AKAP9: variants seen among roughly 807,000 people sequenced by gnomAD.
AKAP9 encodes the protein A-kinase anchor protein 9.
In AKAP9, 311 loss-of-function variants were observed where a neutral mutation model predicts 488.5. The ratio of observed to expected loss-of-function variants is 0.64; its 90% CI spans 0.58 to 0.70. The LOEUF is 0.70. AKAP9 is among the 30% of genes least tolerant of loss of function. The pLI is 0.00. For synonymous variants in AKAP9, 1,462 were observed against 1,483.5 expected, an observed-to-expected ratio of 0.99 and a Z score of 0.33; for missense variants, 4,215 against 4,374.5, an observed-to-expected ratio of 0.96 and a Z score of 1.03.
rs774842633 is a variant in AKAP9 at position 92,096,804 on chromosome 7, T to C, written c.9845T>C (p.Met3282Thr). ...CAGCAAAAAATAGAATCACAGAGAA[T>C]GCTATATGATGCCCAGTTGTCAGAA... ...ESQQKIESQR[M>T]LYDAQLSEEQ... Residue 3282 changes from methionine (M) to threonine (T), a missense_variant, in exon 41 of 50, where the codon ATG becomes ACG. Around this residue, in one of 5 missense-constraint regions of AKAP9, gnomAD observed 1,476 missense variants for 1,477.4 expected, o/e 1.00. Transcript: ENST00000356239. 9.3e-6 allele frequency: 15 copies of C among 1,614,062 alleles called. No individual in the cohort carries two copies. The highest frequency in any genetic ancestry group is 1.3e-5 in the Non-Finnish European group (15 of 1,180,046).
rs748176651 is a variant in AKAP9 at position 92,052,794 on chromosome 7, A to G, written c.5437A>G (p.Lys1813Glu). ...AAGAAATGACATTAACATGTGGTCA[A>G]AAGTAACTGAGGAAGGAACAGAGCT... ...MPRNDINMWS[K>E]VTEEGTELSQ... is the part of the protein sequence containing the mutation. The change falls in exon 22 of 50, where the codon AAA becomes GAA. Residue 1813 changes from lysine (K) to glutamate (E), a missense_variant. Around this residue, in one of 5 missense-constraint regions of AKAP9, gnomAD observed 2,361 missense variants for 2,430.0 expected, o/e 0.97. Transcript: ENST00000356239. The G allele has an allele frequency of 8.1e-6, 13 of 1,613,858 alleles. No individual in the cohort carries two copies. In the South Asian group the frequency reaches 8.8e-5, roughly 11 times the overall value.
At chr7:92,044,639 C>G (rs1290762712) in intron 20 of AKAP9, among the ~76,000 whole-genome samples, 1 of 152,130 alleles carries the variant, frequency 6.6e-6, no homozygotes, top group East Asian at 1.9e-4. Context: ...CAATAACTTG[C>G]ATATGCTTTG....
At chr7:92,024,649 A>C (rs1584182178) in intron 14 of AKAP9, among the ~76,000 whole-genome samples, 2 of 152,092 alleles carry the variant, frequency 1.3e-5, no homozygotes, top group East Asian at 3.8e-4. Context: ...TTGTTTAATG[A>C]ATGAACAGTT....
Position 92,007,951 on chromosome 7 carries a change from A to G in AKAP9, c.3319-4478A>G, listed in dbSNP as rs953504478. Among the ~76,000 whole-genome samples the G allele has an allele frequency of 2.0e-5, 3 of 152,266 alleles. No individual in the cohort carries two copies. In the East Asian group the frequency reaches 5.8e-4, roughly 29 times the overall value. On this transcript the variant is annotated intron_variant, in intron 8 of 49. Transcript: ENST00000356239. ...AGCTGTTAGTTCTAGAGGCTAGAATATCAGAGCATGTAGACTTAAGAAAAG... is the reference window on the plus strand; with the variant it reads ...AGCTGTTAGTTCTAGAGGCTAGAATGTCAGAGCATGTAGACTTAAGAAAAG...
intron 14 of AKAP9, among the ~76,000 whole-genome samples, chr7:92,023,584 C>T (rs1010688897): frequency 3.3e-5 from 5 of 152,146 alleles, no homozygotes; most frequent in African/African-American, 1.2e-4. Flanking sequence ...TCCTTAAAAC[C>T]TTGCTGGTCT....
chr7:92,016,449 G>T (rs1006828061), intron 11 of AKAP9, among the ~76,000 whole-genome samples, 182 bp downstream of exon 11: 2 of 151,854 alleles, frequency 1.3e-5, no homozygotes, highest in Non-Finnish European at 2.9e-5. Context: ...TTTATAATGC[G>T]ATAATGGTGA....
At chr7:92,066,640 C>T (rs962770740) in intron 26 of AKAP9, 94 bp downstream of exon 26, 1 of 1,452,210 alleles carries the variant, frequency 6.9e-7, no homozygotes, top group East Asian at 2.3e-5. Flanking sequence ...TGGATTCTTT[C>T]CTTTGTATGT....
chr7:92,015,229 T>G (rs762537992), intron 10 of AKAP9, among the ~76,000 whole-genome samples: 11 of 152,194 alleles, frequency 7.2e-5, no homozygotes, highest in Non-Finnish European at 1.5e-4. Flanking sequence ...GCTTATCAAA[T>G]GATAATGGGA....
At chr7:92,039,593 C>T (rs1488049200) in intron 17 of AKAP9, among the ~76,000 whole-genome samples, 1 of 152,138 alleles carries the variant, frequency 6.6e-6, no homozygotes, top group East Asian at 1.9e-4. Flanking sequence ...AGTAATAAAT[C>T]CTACTTCTTT....
chr7:91,996,506 T>A (rs1364733974), intron 7 of AKAP9, among the ~76,000 whole-genome samples: 3 of 152,080 alleles, frequency 2.0e-5, no homozygotes, highest in Non-Finnish European at 1.5e-5. Context: ...CTGCACTACC[T>A]CGGGTCCTCT....
At position 92,079,564 on chromosome 7, in the gene AKAP9, A is replaced by G. The variant is rs1026846410; in HGVS notation, c.7431A>G (p.Leu2477=). The stretch of plus-strand genomic sequence containing the variant: ...TTACAGAGGATGCTCTTAAATCCCT[A>G]GAAAATCAGACATACTTCAAATCTT... ...VVLTEDALKS[L]ENQTYFKSFE... is the part of the protein sequence containing the mutation. Residue 2477 remains leucine, a synonymous_variant, in exon 31 of 50, where the codon CTA becomes CTG. Transcript: ENST00000356239. 3 of 1,613,802 alleles carry G rather than the reference A, an allele frequency of 1.9e-6. No individual in the cohort carries two copies. The highest frequency in any genetic ancestry group is 2.5e-6 in the Non-Finnish European group (3 of 1,180,002).
At chr7:92,044,823 A>G (rs1296450899) in intron 20 of AKAP9, among the ~76,000 whole-genome samples, 185 bp from the exon 21 acceptor site, 1 of 152,162 alleles carries the variant, frequency 6.6e-6, no homozygotes, top group Non-Finnish European at 1.5e-5. Flanking sequence ...AAATCATTTT[A>G]TAATATAGTT....
intron 4 of AKAP9, among the ~76,000 whole-genome samples, chr7:91,992,674 A>AC (rs1797913864): frequency 7.0e-6 from 1 of 142,564 alleles, no homozygotes; most frequent in African/African-American, 2.6e-5. Context: ...AAAAAAAAAA[A>AC]AAAAAAAAAA....
At chr7:91,957,681 A>G (rs2130496682) in intron 1 of AKAP9, among the ~76,000 whole-genome samples, 1 of 152,312 alleles carries the variant, frequency 6.6e-6, no homozygotes, top group African/African-American at 2.4e-5. Flanking sequence ...ATCTATGACA[A>G]TGTATATTTA....
At chr7:91,999,623 G>A (rs1403456839) in intron 7 of AKAP9, among the ~76,000 whole-genome samples, 1 of 152,180 alleles carries the variant, frequency 6.6e-6, no homozygotes, top group Admixed American at 6.5e-5. Flanking sequence ...GATGTTCAGG[G>A]GCATTAGGCT....
At chr7:91,945,686 G>A (rs1752596945) in intron 1 of AKAP9, among the ~76,000 whole-genome samples, 1 of 152,186 alleles carries the variant, frequency 6.6e-6, no homozygotes, top group African/African-American at 2.4e-5. Flanking sequence ...ACTGCATTAT[G>A]TATTAAGTAA....
intron 44 of AKAP9, among the ~76,000 whole-genome samples, chr7:92,100,263 A>G (rs1460672930): frequency 1.3e-5 from 2 of 152,224 alleles, no homozygotes; most frequent in African/African-American, 4.8e-5. Context: ...TCATTTAATT[A>G]TTAGTTATTG....
At chr7:92,037,354 T>A (rs1805365247) in intron 16 of AKAP9, among the ~76,000 whole-genome samples, 1 of 152,134 alleles carries the variant, frequency 6.6e-6, no homozygotes, top group Non-Finnish European at 1.5e-5. Context: ...CCCAGATAGG[T>A]GAATCACATT....
chr7:91,941,998 A>G (rs900548781), intron 1 of AKAP9, among the ~76,000 whole-genome samples: 3 of 152,144 alleles, frequency 2.0e-5, no homozygotes, highest in African/African-American at 7.2e-5. Flanking sequence ...GAGAAATTTA[A>G]CATATACAGA....
Sources: gnomAD v4.1 joint callset for allele counts (sites outside exome capture counted in the v4.1 genomes callset) on GRCh38, gnomAD v4.1.1 for gene constraint, gnomAD v4.1.1 regional missense constraint, MANE v1.5 for transcripts, NCBI Gene and HGNC (gene_info 2026-07-23, HGNC 2026-07-21) for gene names.